The following RMP64 variants were observed in gnomAD, a reference collection of about 807,000 sequenced individuals.
The protein encoded by RMP64 is ribonuclease MRP subunit p64, also known as nucleolus and neural progenitor protein.
At chr3:113,008,577 C>T in the RMP64 span, 6 of 656,664 alleles carry the variant, frequency 9.1e-6, no homozygotes, top group South Asian at 7.7e-5. Flanking sequence ...CCCCATTTAC[C>T]CTGTGGTTAT....
chr3:113,018,341 G>A, the RMP64 span, among the ~76,000 whole-genome samples: 141 of 152,322 alleles, frequency 9.3e-4, 3 homozygotes, highest in South Asian at 0.027. Flanking sequence ...CCTCGGGGAT[G>A]GGTAGTGAGT....
the RMP64 span, chr3:113,019,503 C>G: frequency 2.6e-6 from 4 of 1,537,500 alleles, no homozygotes; most frequent in Middle Eastern, 1.7e-4. Context: ...CGGCCTCCCC[C>G]GGAAACGTTC....
chr3:113,012,838 C>G, the RMP64 span: 1 of 1,373,240 alleles, frequency 7.3e-7, no homozygotes, highest in Non-Finnish European at 1.0e-6. Flanking sequence ...AGGTAGAAAA[C>G]AAAATCAAAG....
chr3:113,013,439 T>TA, the RMP64 span: 692 of 1,417,408 alleles, frequency 4.9e-4, 1 homozygote, highest in East Asian at 7.8e-4. Flanking sequence ...TACTTTCACT[T>TA]AAAAAAAAAG....
At chr3:113,013,394 C>A in the RMP64 span, 2 of 1,588,832 alleles carry the variant, frequency 1.3e-6, no homozygotes, top group African/African-American at 2.7e-5. Flanking sequence ...TAGTTAAGGG[C>A]TGATTTTCAC....
At chr3:113,008,534 T>TTC in the RMP64 span, 6 of 982,018 alleles carry the variant, frequency 6.1e-6, no homozygotes, top group Non-Finnish European at 9.2e-6. Context: ...AAAATTAGAA[T>TTC]TATCAGTCCC....
the RMP64 span, chr3:113,005,797 T>C: frequency 6.2e-7 from 1 of 1,613,966 alleles, no homozygotes; most frequent in African/African-American, 1.3e-5. Flanking sequence ...CACTGGTATC[T>C]GTAGCACTCT....
the RMP64 span, among the ~76,000 whole-genome samples, chr3:113,010,304 G>C: frequency 1.3e-5 from 2 of 152,132 alleles, no homozygotes; most frequent in Admixed American, 1.3e-4. Flanking sequence ...AGGTCACACA[G>C]CTAGTACCAA....
At chr3:113,014,315 G>A in the RMP64 span, 2 of 252,222 alleles carry the variant, frequency 7.9e-6, no homozygotes, top group Admixed American at 5.4e-5. Context: ...GGACCAAAAC[G>A]AGTATAGGTT....
At chr3:113,005,656 T>C in the RMP64 span, 1 of 1,613,848 alleles carries the variant, frequency 6.2e-7, no homozygotes, top group Non-Finnish European at 8.5e-7. Context: ...CATGGATGCC[T>C]CTAAGATTTT....
At chr3:113,002,755 T>G in the RMP64 span, 1 of 157,638 alleles carries the variant, frequency 6.3e-6, no homozygotes, top group Non-Finnish European at 1.4e-5. Context: ...TAGATTAGCA[T>G]CCAAGATGGA....
the RMP64 span, chr3:113,015,175 G>C: frequency 6.6e-6 from 1 of 152,068 alleles, no homozygotes; most frequent in African/African-American, 2.4e-5. Context: ...TATTCCTGAG[G>C]ACTACAGAAT....
chr3:113,009,693 C>T, the RMP64 span: 2 of 152,170 alleles, frequency 1.3e-5, no homozygotes, highest in Non-Finnish European at 2.9e-5. Context: ...CCTTTCTATG[C>T]CTCAGTTTCC....
the RMP64 span, among the ~76,000 whole-genome samples, chr3:113,014,190 C>T: frequency 2.6e-5 from 4 of 151,976 alleles, no homozygotes; most frequent in African/African-American, 7.3e-5. Flanking sequence ...AAATCCAAAG[C>T]GCAAGCAATT....
At chr3:113,014,354 A>G in the RMP64 span, 2 of 187,762 alleles carry the variant, frequency 1.1e-5, no homozygotes, top group African/African-American at 5.1e-5. Context: ...TTGCTAAGAC[A>G]AGATTTTTTT....
chr3:113,008,052 C>T, the RMP64 span: 2 of 819,434 alleles, frequency 2.4e-6, no homozygotes, highest in Middle Eastern at 2.4e-4. Context: ...TTGAGTACAT[C>T]CCAATTTAGC....
chr3:113,003,018 T>G, the RMP64 span: 1 of 152,258 alleles, frequency 6.6e-6, no homozygotes, highest in East Asian at 1.9e-4. Context: ...TCTCAAACAC[T>G]GCTCTTATAA....
At chr3:113,019,551 C>T in the RMP64 span, 1 of 1,612,964 alleles carries the variant, frequency 6.2e-7, no homozygotes, top group Non-Finnish European at 8.5e-7. Flanking sequence ...CCAAGGGCCG[C>T]GCCGGGGTTC....
the RMP64 span, chr3:113,017,541 T>G: frequency 6.2e-7 from 1 of 1,614,184 alleles, no homozygotes; most frequent in Non-Finnish European, 8.5e-7. Context: ...CATCTAAGGT[T>G]TGGCTCTTCA....
Sources: gnomAD v4.1 joint callset for allele counts (sites outside exome capture counted in the v4.1 genomes callset) on GRCh38, gnomAD v4.1.1 for gene constraint, MANE v1.5 for transcripts, NCBI Gene and HGNC (gene_info 2026-07-23, HGNC 2026-07-21) for gene names.